SEMA4D: variants seen among roughly 807,000 people sequenced by gnomAD.
SEMA4D encodes semaphorin-4D.
A neutral mutation model predicts 74.8 loss-of-function variants in SEMA4D; 22 were observed. That is an observed-to-expected ratio of 0.29 (90% CI 0.21 to 0.42). SEMA4D has a LOEUF of 0.42. Among genes scored for constraint, SEMA4D ranks in the 10% least tolerant of loss-of-function variants. The pLI, the probability that SEMA4D is intolerant of heterozygous loss-of-function variation, is 1.00. For missense variants in SEMA4D, 937 were observed against 1,118.4 expected, an observed-to-expected ratio of 0.84 and a Z score of 2.31; for synonymous variants, 445 against 463.7, an observed-to-expected ratio of 0.96 and a Z score of 0.52.
At chr9:89,385,866 G>GGGGGGGGGGGGCGCC in intron 13 of SEMA4D, 1 of 196,226 alleles carries the variant, frequency 5.1e-6, no homozygotes, top group Non-Finnish European at 9.0e-6. Context: ...CAGCGTGGAT[G>GGGGGGGGGGGGCGCC]CCCGCCCACC....
At chr9:89,369,616 G>A (rs147558145) in intron 16 of SEMA4D, 3 of 152,342 alleles carry the variant, frequency 2.0e-5, no homozygotes, top group Non-Finnish European at 4.4e-5. Context: ...TGATCCTTAC[G>A]TTTGTATGCC....
At chr9:89,364,599 G>A (rs1198923296) in intron 16 of SEMA4D, 2 of 157,750 alleles carry the variant, frequency 1.3e-5, no homozygotes, top group Non-Finnish European at 2.8e-5. Flanking sequence ...CATGGACTCT[G>A]GGCCCGACAT....
At chr9:89,362,243 C>A in exon 19 of SEMA4D, 1 of 1,267,982 alleles carries the variant, frequency 7.9e-7, no homozygotes, top group Non-Finnish European at 1.1e-6. Flanking sequence ...TGTCCCGCCT[C>A]TGCCCATCAG....
intron 16 of SEMA4D, chr9:89,368,117 C>T (rs1051984004): frequency 1.3e-5 from 2 of 152,582 alleles, no homozygotes; most frequent in Admixed American, 1.3e-4. Context: ...ACTGCCATCT[C>T]CTGCAGCACT....
chr9:89,481,448 G>C (rs118044294), intron 1 of SEMA4D, among the ~76,000 whole-genome samples: 3 of 152,316 alleles, frequency 2.0e-5, no homozygotes, highest in Non-Finnish European at 4.4e-5. Context: ...CCAGGAAGTG[G>C]AGCCATAAGA....
At chr9:89,465,903 G>A (rs1218377692) in intron 1 of SEMA4D, among the ~76,000 whole-genome samples, 1 of 152,228 alleles carries the variant, frequency 6.6e-6, no homozygotes, top group East Asian at 1.9e-4. Flanking sequence ...CACAGGTTTA[G>A]GAGGAAACCA....
chr9:89,464,678 C>T (rs754557480), intron 1 of SEMA4D, among the ~76,000 whole-genome samples: 3 of 152,022 alleles, frequency 2.0e-5, no homozygotes, highest in Non-Finnish European at 2.9e-5. Context: ...CTGACAGCAA[C>T]TCAGGCAGTC....
intron 1 of SEMA4D, among the ~76,000 whole-genome samples, chr9:89,480,797 C>T (rs577470075): frequency 1.2e-3 from 189 of 152,368 alleles, no homozygotes; most frequent in Middle Eastern, 6.8e-3. Flanking sequence ...GCTCCTGCCT[C>T]TCCCTCCACA....
chr9:89,453,537 T>C (rs1588011160), intron 2 of SEMA4D, among the ~76,000 whole-genome samples: 1 of 152,248 alleles, frequency 6.6e-6, no homozygotes, highest in Admixed American at 6.5e-5. Context: ...CCCCAGGCCG[T>C]GTTTCCAGCC....
chr9:89,458,905 CAT>C (rs917313211), intron 1 of SEMA4D, among the ~76,000 whole-genome samples: 1 of 146,282 alleles, frequency 6.8e-6, no homozygotes, highest in Non-Finnish European at 1.5e-5. Context: ...TACGCACACT[CAT>C]ATACAGATAT....
chr9:89,429,953 A>G (rs1848908883), intron 2 of SEMA4D, among the ~76,000 whole-genome samples: 1 of 151,988 alleles, frequency 6.6e-6, no homozygotes. Flanking sequence ...AAATGCACAT[A>G]ACAAGAAAAC....
chr9:89,380,028 C>CTTTTCTTTT (rs1836656630), intron 15 of SEMA4D, among the ~76,000 whole-genome samples: 1 of 152,120 alleles, frequency 6.6e-6, no homozygotes, highest in African/African-American at 2.4e-5. Flanking sequence ...CCTGCCTAAA[C>CTTTTCTTTT]TTTTCTTTTT....
chr9:89,496,290 C>T (rs1826007773), intron 1 of SEMA4D, among the ~76,000 whole-genome samples: 1 of 152,206 alleles, frequency 6.6e-6, no homozygotes, highest in South Asian at 2.1e-4. Context: ...TGCTGCAAGA[C>T]CTTGGGCTGG....
At position 89,386,604 on chromosome 9, in the gene SEMA4D, A is replaced by G. The variant is rs1011553290; in HGVS notation, c.1331-122T>C. The stretch of plus-strand genomic sequence containing the variant: ...TCATTCCCTCCACAGATACTTAGAA[A>G]ACAATGATGATTTCGCATTAGAAAC... On this transcript the variant is annotated intron_variant, in intron 12 of 15. Coordinates refer to ENST00000422704, the MANE Select transcript of SEMA4D (RefSeq NM_001371194.2). The G allele has an allele frequency of 4.8e-6, 3 of 623,022 alleles. No individual in the cohort carries two copies. The African/African-American group carries it at 5.5e-5, about 11-fold the overall frequency. 38.6% of individuals were successfully genotyped at this position (623,022 alleles called of 1,614,324 possible).
rs45515192 is a variant in SEMA4D, at chr9:89,363,868, G to A, written c.1965C>T (p.Pro655=). The A allele has an allele frequency of 0.14, 230,425 of 1,614,018 alleles. 20,110 individuals carry two copies. The highest frequency in any genetic ancestry group is 0.4 in the Admixed American group (23,896 of 60,000). The change falls in exon 17 of 19, where the codon CCC becomes CCT. Residue 655 remains proline, a synonymous_variant. Transcript: ENST00000339861. ...AGCTGAGTGCATGGGCCCTGCCATC[G>A]GGCAGTGCATGGGTCTGCACAGGGA...
intron 1 of SEMA4D, among the ~76,000 whole-genome samples, chr9:89,456,748 G>A (rs1197452206): frequency 2.6e-5 from 4 of 152,088 alleles, no homozygotes; most frequent in African/African-American, 4.8e-5. Flanking sequence ...CACCACACCC[G>A]GCTGATTTTT....
intron 2 of SEMA4D, among the ~76,000 whole-genome samples, chr9:89,419,355 C>T (rs1846416757): frequency 1.3e-5 from 2 of 152,158 alleles, no homozygotes; most frequent in Non-Finnish European, 1.5e-5. Context: ...GACCTGACAC[C>T]GACATTTCCT....
At chr9:89,377,076 G>A (rs541228990), downstream of SEMA4D, 683 of 1,516,624 alleles carry the variant, frequency 4.5e-4, 3 homozygotes, top group African/African-American at 8.5e-3. Context: ...GGACAGAAAA[G>A]AGAGGGCACT....
downstream of SEMA4D, among the ~76,000 whole-genome samples, chr9:89,374,408 A>T (rs1447714323): frequency 3.3e-5 from 5 of 152,354 alleles, no homozygotes; most frequent in African/African-American, 9.6e-5. Flanking sequence ...TGTGGCTTCA[A>T]GTAGGACCTC....
Sources: gnomAD v4.1 joint callset for allele counts (sites outside exome capture counted in the v4.1 genomes callset) on GRCh38, gnomAD v4.1.1 for gene constraint, MANE v1.5 for transcripts, NCBI Gene and HGNC (gene_info 2026-07-23, HGNC 2026-07-21) for gene names.